ROR1: variants seen among roughly 807,000 people sequenced by gnomAD.
ROR1 encodes ROR family WNT receptor 1, also known as inactive tyrosine-protein kinase transmembrane receptor ROR1.
In ROR1, 19 loss-of-function variants were observed where a neutral mutation model predicts 78.8. That is an observed-to-expected ratio of 0.24 (90% CI 0.17 to 0.35). ROR1 has a LOEUF of 0.35. ROR1 is among the 10% of genes least tolerant of loss of function. The pLI is 1.00. For synonymous variants in ROR1, 386 were observed against 433.6 expected, an observed-to-expected ratio of 0.89 and a Z score of 1.36; for missense variants, 917 against 1,177.8, an observed-to-expected ratio of 0.78 and a Z score of 3.24.
chr1:64,004,119 A>G (rs1299032571), intron 1 of ROR1, among the ~76,000 whole-genome samples: 1 of 152,220 alleles, frequency 6.6e-6, no homozygotes, highest in African/African-American at 2.4e-5. Context: ...TTTCCTTTTG[A>G]GCCACCTCTA....
At chr1:64,160,487 A>C (rs999645204) in intron 8 of ROR1, among the ~76,000 whole-genome samples, 13 of 152,172 alleles carry the variant, frequency 8.5e-5, no homozygotes, top group South Asian at 2.1e-4. Context: ...CAAAAAAAAA[A>C]CCCTACAAAT....
intron 5 of ROR1, among the ~76,000 whole-genome samples, chr1:64,138,162 G>A (rs1250354479): frequency 6.6e-6 from 1 of 152,182 alleles, no homozygotes; most frequent in Non-Finnish European, 1.5e-5. Context: ...CGTTCTGGTG[G>A]TTACAGCAGC....
intron 1 of ROR1, among the ~76,000 whole-genome samples, chr1:63,977,784 C>T (rs1204518271): frequency 1.3e-5 from 2 of 152,180 alleles, no homozygotes; most frequent in East Asian, 3.8e-4. Flanking sequence ...GCCAGAGAGA[C>T]ACAATTTGAC....
intron 1 of ROR1, among the ~76,000 whole-genome samples, chr1:63,803,920 A>G (rs760985531): frequency 3.3e-5 from 5 of 152,218 alleles, no homozygotes; most frequent in Non-Finnish European, 5.9e-5. Flanking sequence ...GTCCAAAGGG[A>G]ATTGTGCTGA....
At chr1:63,922,459 T>TG (rs1198979085) in intron 1 of ROR1, among the ~76,000 whole-genome samples, 2 of 152,198 alleles carry the variant, frequency 1.3e-5, no homozygotes, top group Admixed American at 1.3e-4. Flanking sequence ...CAGTTCACTT[T>TG]GTGCAGGTTA....
chr1:63,979,081 G>A (rs1646186655), intron 1 of ROR1, among the ~76,000 whole-genome samples: 1 of 152,112 alleles, frequency 6.6e-6, no homozygotes, highest in Non-Finnish European at 1.5e-5. Flanking sequence ...CATTATGGAG[G>A]GCAATCTTTA....
intron 1 of ROR1, among the ~76,000 whole-genome samples, chr1:63,919,979 T>C (rs1004060783): frequency 6.6e-6 from 1 of 152,174 alleles, no homozygotes; most frequent in African/African-American, 2.4e-5. Flanking sequence ...CAGCTGAAAA[T>C]GCTGAAAGCT....
intron 4 of ROR1, among the ~76,000 whole-genome samples, chr1:64,116,308 G>A (rs1052968277): frequency 1.1e-4 from 17 of 152,200 alleles, no homozygotes; most frequent in African/African-American, 3.6e-4. Flanking sequence ...AGGATGGGGC[G>A]GTGATTTTGT....
intron 1 of ROR1, among the ~76,000 whole-genome samples, chr1:63,950,559 C>T (rs1645927141): frequency 6.6e-6 from 1 of 152,150 alleles, no homozygotes; most frequent in South Asian, 2.1e-4. Context: ...TTTTTGTGAC[C>T]TGTATTTTGT....
intron 1 of ROR1, among the ~76,000 whole-genome samples, chr1:63,806,419 G>A (rs1018191404): frequency 1.3e-5 from 2 of 149,716 alleles, no homozygotes; most frequent in Admixed American, 1.3e-4. Context: ...CCAGGTTCAC[G>A]CCACTCTCCT....
At chr1:63,910,941 T>C (rs1645565211) in intron 1 of ROR1, among the ~76,000 whole-genome samples, 1 of 152,180 alleles carries the variant, frequency 6.6e-6, no homozygotes, top group South Asian at 2.1e-4. Context: ...ACAGTTTTGG[T>C]TTTTTACGTC....
intron 1 of ROR1, among the ~76,000 whole-genome samples, chr1:63,935,154 ACAC>A (rs1463943632): frequency 6.6e-6 from 1 of 151,854 alleles, no homozygotes; most frequent in Non-Finnish European, 1.5e-5. Context: ...TCCCCTGCCA[ACAC>A]CACCACCAAA....
chr1:64,122,312 C>G (rs4110906), intron 4 of ROR1, among the ~76,000 whole-genome samples: 44,133 of 151,938 alleles, frequency 0.29, 6,438 homozygotes, highest in Middle Eastern at 0.31. Flanking sequence ...ACTAATTGGC[C>G]CTTTCTCTTC....
At chr1:63,802,063 A>T (rs1338034024) in intron 1 of ROR1, among the ~76,000 whole-genome samples, 2 of 152,088 alleles carry the variant, frequency 1.3e-5, no homozygotes, top group Non-Finnish European at 2.9e-5. Flanking sequence ...GGGGGAGGGG[A>T]GGAGGTTATT....
At chr1:63,933,285 T>G (rs1157611065) in intron 1 of ROR1, among the ~76,000 whole-genome samples, 1 of 152,160 alleles carries the variant, frequency 6.6e-6, no homozygotes, top group Non-Finnish European at 1.5e-5. Flanking sequence ...GCGTTTCATT[T>G]CCTTATATGT....
intron 1 of ROR1, among the ~76,000 whole-genome samples, chr1:63,950,250 A>T (rs1645924099): frequency 6.6e-6 from 1 of 152,220 alleles, no homozygotes; most frequent in Non-Finnish European, 1.5e-5. Flanking sequence ...TGACCACTCC[A>T]TAGGCAGAGC....
chr1:63,986,536 C>T (rs1646253552), intron 1 of ROR1, among the ~76,000 whole-genome samples: 1 of 152,168 alleles, frequency 6.6e-6, no homozygotes, highest in South Asian at 2.1e-4. Flanking sequence ...CTGCTGAGGA[C>T]TTCAAACTTT....
chr1:63,907,145 C>T (rs1645535872), intron 1 of ROR1, among the ~76,000 whole-genome samples: 1 of 152,200 alleles, frequency 6.6e-6, no homozygotes, highest in Admixed American at 6.5e-5. Context: ...CTTTGGGTCT[C>T]ATGATGCTAG....
intron 2 of ROR1, among the ~76,000 whole-genome samples, chr1:64,011,621 A>C (rs931659396): frequency 5.9e-5 from 9 of 152,176 alleles, no homozygotes; most frequent in African/African-American, 2.2e-4. Context: ...AATAGTATGA[A>C]CCTGCTGGCT....
Sources: allele counts gnomAD v4.1 joint callset (sites outside exome capture counted in the v4.1 genomes callset), GRCh38; gene constraint gnomAD v4.1.1; transcripts MANE v1.5; gene names NCBI Gene and HGNC (gene_info 2026-07-23, HGNC 2026-07-21).